Variants in SLC4A4 observed in about 807,000 individuals in gnomAD.
SLC4A4 encodes solute carrier family 4 member 4.
In SLC4A4, 27 loss-of-function variants were observed where a neutral mutation model predicts 111.5. The observed-to-expected ratio is 0.24, with a 90% CI of 0.18 to 0.33. SLC4A4 has a LOEUF of 0.33. SLC4A4 is among the 10% of genes least tolerant of loss of function. SLC4A4 has a pLI of 1.00. For synonymous variants in SLC4A4, 443 were observed against 463.4 expected (o/e 0.96, Z 0.57); for missense variants, 909 against 1,315.5 (o/e 0.69, Z 4.78).
chr4:71,128,925 G>A (rs555511088), intron 2 of SLC4A4, among the ~76,000 whole-genome samples: 3 of 151,980 alleles, frequency 2.0e-5, no homozygotes, highest in African/African-American at 2.4e-5. Flanking sequence ...TTTCAACTTC[G>A]AGTGTCTCCT....
intron 1 of SLC4A4, among the ~76,000 whole-genome samples, chr4:71,077,081 A>T (rs1373551336): frequency 6.8e-6 from 1 of 148,022 alleles, no homozygotes; most frequent in East Asian, 1.9e-4. Context: ...TATATACATA[A>T]ATATATATAT....
intron 12 of SLC4A4, among the ~76,000 whole-genome samples, chr4:71,460,294 T>G (rs1395465680): frequency 1.3e-5 from 2 of 152,152 alleles, no homozygotes; most frequent in African/African-American, 4.8e-5. Context: ...TTAAATTTTT[T>G]ATCCATCTGG....
intron 18 of SLC4A4, among the ~76,000 whole-genome samples, chr4:71,544,951 A>G (rs1247939678): frequency 6.6e-6 from 1 of 152,024 alleles, no homozygotes; most frequent in Non-Finnish European, 1.5e-5. Context: ...GAAAGAATGA[A>G]TGACTGAAAT....
chr4:71,114,528 C>T (rs1217939587), intron 2 of SLC4A4, among the ~76,000 whole-genome samples: 5 of 150,212 alleles, frequency 3.3e-5, no homozygotes, highest in African/African-American at 4.9e-5. Flanking sequence ...GGGCGAAGGA[C>T]ATGAACAGAC....
intron 1 of SLC4A4, chr4:71,235,970 G>C (rs1018818354): frequency 5.4e-6 from 5 of 918,898 alleles, no homozygotes; most frequent in Non-Finnish European, 6.5e-6. Flanking sequence ...TCAGATTTCC[G>C]TAAGGCCAGC....
intron 16 of SLC4A4, among the ~76,000 whole-genome samples, chr4:71,503,495 G>A (rs1364221019): frequency 6.6e-6 from 1 of 151,790 alleles, no homozygotes; most frequent in Non-Finnish European, 1.5e-5. Context: ...TTGCCATGGG[G>A]CTAACATAAT....
At chr4:71,078,827 T>G in intron 1 of SLC4A4, among the ~76,000 whole-genome samples, 1 of 147,494 alleles carries the variant, frequency 6.8e-6, no homozygotes, top group East Asian at 2.0e-4. Context: ...TGTTTGTTTG[T>G]TTTTTTTTTG....
intron 3 of SLC4A4, among the ~76,000 whole-genome samples, chr4:71,277,922 C>A (rs1481071791): frequency 6.6e-6 from 1 of 152,094 alleles, no homozygotes; most frequent in Admixed American, 6.6e-5. Flanking sequence ...ACACAGCTAC[C>A]ACCTCACCTA....
At chr4:71,565,363 G>C (rs1042398932) in intron 24 of SLC4A4, among the ~76,000 whole-genome samples, 1 of 151,702 alleles carries the variant, frequency 6.6e-6, no homozygotes, top group Non-Finnish European at 1.5e-5. Context: ...TCTTTTTTCT[G>C]TAACTGCTTC....
intron 2 of SLC4A4, among the ~76,000 whole-genome samples, chr4:71,143,955 A>G (rs542786396): frequency 0.017 from 2,618 of 152,050 alleles, 83 homozygotes; most frequent in African/African-American, 0.06. Flanking sequence ...GTTTAATTAG[A>G]TCCCATTTGT....
intron 3 of SLC4A4, among the ~76,000 whole-genome samples, chr4:71,287,511 C>A (rs1724013450): frequency 6.6e-6 from 1 of 152,152 alleles, no homozygotes; most frequent in Admixed American, 6.5e-5. Context: ...TTACTAATAC[C>A]AGCTGGCATT....
At chr4:71,144,287 T>G (rs1744100876) in intron 2 of SLC4A4, among the ~76,000 whole-genome samples, 1 of 152,208 alleles carries the variant, frequency 6.6e-6, no homozygotes, top group African/African-American at 2.4e-5. Context: ...GAGGGCTCTG[T>G]TCTGTTCCAT....
intron 1 of SLC4A4, among the ~76,000 whole-genome samples, chr4:71,065,077 C>T (rs370221726): frequency 3.3e-5 from 5 of 152,018 alleles, no homozygotes; most frequent in Admixed American, 6.6e-5. Flanking sequence ...AATGACTGAA[C>T]GAATGAACTC....
intron 16 of SLC4A4, among the ~76,000 whole-genome samples, chr4:71,505,874 A>G (rs990907358): frequency 1.3e-5 from 2 of 151,998 alleles, no homozygotes; most frequent in African/African-American, 2.4e-5. Context: ...TGTATATGGT[A>G]TAAGGAAGAG....
intron 1 of SLC4A4, among the ~76,000 whole-genome samples, chr4:71,082,306 A>C (rs1212722394): frequency 6.6e-6 from 1 of 151,012 alleles, no homozygotes; most frequent in Non-Finnish European, 1.5e-5. Flanking sequence ...TATATAGTTC[A>C]AGTTTCAAAC....
In SLC4A4 at chr4:71,450,954, G is replaced by A. The variant is rs563109645; in HGVS notation, c.1209-234G>A. On this transcript the variant is annotated intron_variant, in intron 10 of 25. Transcript: ENST00000264485. ...AGAAATCTATTTTTTCCCAGTTGAA[G>A]CAGTTTCCCTCTTTTAAGACATACA... is the stretch of plus-strand genomic sequence containing the variant. 4.6e-5 allele frequency among the ~76,000 whole-genome samples: 7 copies of A among 152,252 alleles called. No individual in the cohort carries two copies. The South Asian group carries it at 1.5e-3, about 32-fold the overall frequency.
intron 18 of SLC4A4, among the ~76,000 whole-genome samples, chr4:71,537,314 T>TATGTCTACATATATGTATATGTATACAC (rs1734597525): frequency 6.6e-6 from 1 of 152,084 alleles, no homozygotes; most frequent in African/African-American, 2.4e-5. Flanking sequence ...TGTATACACA[T>TATGTCTACATATATGTATATGTATACAC]ATGTCTACAT....
chr4:71,310,896 G>C (rs1726092615), intron 3 of SLC4A4, among the ~76,000 whole-genome samples: 1 of 152,172 alleles, frequency 6.6e-6, no homozygotes, highest in African/African-American at 2.4e-5. Context: ...ATTGGATAAA[G>C]AGTCAAGACC....
chr4:71,173,158 A>G (rs772319891), intron 2 of SLC4A4, among the ~76,000 whole-genome samples: 1 of 152,240 alleles, frequency 6.6e-6, no homozygotes, highest in Non-Finnish European at 1.5e-5. Flanking sequence ...CATGTGAGAT[A>G]GCTGTGGCAA....
Sources: gnomAD v4.1 joint callset for allele counts (sites outside exome capture counted in the v4.1 genomes callset) on GRCh38, gnomAD v4.1.1 for gene constraint, MANE v1.5 for transcripts, NCBI Gene and HGNC (gene_info 2026-07-23, HGNC 2026-07-21) for gene names.